Variants in DOP1B observed in about 807,000 individuals in gnomAD.
DOP1B encodes the protein protein DOP1B.
DOP1B carries 174 observed loss-of-function variants against 233.5 expected under a neutral mutation model. That is an observed-to-expected ratio of 0.75 (90% CI 0.66 to 0.85). The LOEUF (loss-of-function observed/expected upper bound fraction) is 0.85. Among genes scored for constraint, DOP1B ranks in the 40% least tolerant of loss-of-function variants. DOP1B has a pLI of 0.00. For missense variants in DOP1B, 2,652 were observed against 2,846.6 expected (o/e 0.93, Z 1.56); for synonymous variants, 1,190 against 1,185.6 (o/e 1.00, Z -0.08).
chr21:36,157,506 C>T lies in DOP1B; in HGVS notation c.-27+563C>T, dbSNP rs533163552. Among the ~76,000 whole-genome samples the T allele has an allele frequency of 7.9e-5, 12 of 152,362 alleles. No homozygotes were observed. The South Asian group carries it at 2.3e-3, about 29-fold the overall frequency. ...TGGCCCCTGCGCCCTGCAGGGTTCCCGGCTGCTCGCGGGGACTGTTACCCG... is the reference window on the plus strand; with the variant it reads ...TGGCCCCTGCGCCCTGCAGGGTTCCTGGCTGCTCGCGGGGACTGTTACCCG... On this transcript the variant is annotated intron_variant, in intron 1 of 36. Transcript: ENST00000691173.
At chr21:36,197,429 G>A (rs1275863336) in intron 2 of DOP1B, among the ~76,000 whole-genome samples, 5 of 152,174 alleles carry the variant, frequency 3.3e-5, no homozygotes, top group Non-Finnish European at 7.3e-5. Context: ...GAGGCTGAGG[G>A]CCCACGATTC....
chr21:36,193,189 G>A (rs62229345), intron 2 of DOP1B, among the ~76,000 whole-genome samples: 25,236 of 152,078 alleles, frequency 0.17, 2,317 homozygotes, highest in African/African-American at 0.24. Context: ...CCCCTATAAC[G>A]AAAGAGAGAT....
At chr21:36,244,815 T>C (rs993991159) in intron 18 of DOP1B, among the ~76,000 whole-genome samples, 3 of 152,228 alleles carry the variant, frequency 2.0e-5, no homozygotes, top group African/African-American at 7.2e-5. Flanking sequence ...TACTTAAGTT[T>C]ACTATAACAA....
rs1023736116 is a variant in DOP1B at position 36,187,206 on chromosome 21, C to T, written c.139-11864C>T. Among the ~76,000 whole-genome samples the T allele has an allele frequency of 8.7e-5, 13 of 148,872 alleles. No individual in the cohort carries two copies. The East Asian group carries it at 1.4e-3, about 16-fold the overall frequency. Reference sequence around the variant, plus strand: ...CTGTCCTGCCCCTCCCCTCCCCTCCCTTCCCCTCCTCTCCCCTCCCTTCCC... The same window carrying T: ...CTGTCCTGCCCCTCCCCTCCCCTCCTTTCCCCTCCTCTCCCCTCCCTTCCC... On this transcript the variant is annotated intron_variant, in intron 2 of 36. Coordinates refer to ENST00000691173, the MANE Select transcript of DOP1B (RefSeq NM_001320714.2).
intron 11 of DOP1B, among the ~76,000 whole-genome samples, chr21:36,224,994 C>T (rs932011448): frequency 4.0e-5 from 6 of 151,814 alleles, no homozygotes; most frequent in African/African-American, 7.3e-5. Context: ...TTACATCTGT[C>T]GATGGTACTC....
At chr21:36,238,950 A>C (rs2066859203) in intron 17 of DOP1B, among the ~76,000 whole-genome samples, 2 of 152,096 alleles carry the variant, frequency 1.3e-5, no homozygotes, top group Non-Finnish European at 2.9e-5. Context: ...CAAAAATACA[A>C]AAATTAGCTG....
chr21:36,165,019 A>C, intron 2 of DOP1B, 148 bp downstream of exon 2: 2 of 709,136 alleles, frequency 2.8e-6, no homozygotes, highest in Non-Finnish European at 1.9e-6. Flanking sequence ...ATATTATTTC[A>C]AGGAAATACC....
rs771410867 is a variant in DOP1B at position 36,219,344 on chromosome 21, T to C, written c.1130-28T>C. The C allele has an allele frequency of 8.1e-6, 13 of 1,614,086 alleles. No individual in the cohort carries two copies. The East Asian group carries it at 2.7e-4, about 33-fold the overall frequency. On this transcript the variant is annotated intron_variant, in intron 9 of 36. Coordinates refer to ENST00000691173, the MANE Select transcript of DOP1B (RefSeq NM_001320714.2). ...TGATTTAAAGGGGATTGTTAATCTGTCTCTGACCATCTTCCTTCTAATTAC... is the reference window on the plus strand; with the variant it reads ...TGATTTAAAGGGGATTGTTAATCTGCCTCTGACCATCTTCCTTCTAATTAC...
chr21:36,184,897 G>C (rs1427800810), intron 2 of DOP1B, among the ~76,000 whole-genome samples: 1 of 152,212 alleles, frequency 6.6e-6, no homozygotes, highest in Non-Finnish European at 1.5e-5. Flanking sequence ...AGAAGAAGGC[G>C]CTGGGGAGGA....
intron 21 of DOP1B, among the ~76,000 whole-genome samples, chr21:36,250,348 CAA>C (rs1255769439): frequency 6.6e-6 from 1 of 152,114 alleles, no homozygotes; most frequent in African/African-American, 2.4e-5. Context: ...TACCGGTGGA[CAA>C]GAGAGATGAA....
chr21:36,205,127 C>G, intron 4 of DOP1B, among the ~76,000 whole-genome samples: 1 of 152,208 alleles, frequency 6.6e-6, no homozygotes, highest in South Asian at 2.1e-4. Flanking sequence ...GCGGTGCTGT[C>G]TTGTGACAGC....
At chr21:36,187,156 C>G (rs73375748) in intron 2 of DOP1B, among the ~76,000 whole-genome samples, 2 of 150,926 alleles carry the variant, frequency 1.3e-5, no homozygotes, top group East Asian at 4.0e-4. Context: ...TGCTCTTCCC[C>G]CAAGGCCTGG....
intron 2 of DOP1B, among the ~76,000 whole-genome samples, chr21:36,197,020 C>T (rs916808303): frequency 6.6e-6 from 1 of 151,744 alleles, no homozygotes; most frequent in Admixed American, 6.6e-5. Context: ...GCAACCTCTG[C>T]CTCCTGGGTT....
Position 36,247,512 on chromosome 21 carries a change from C to T in DOP1B, c.4698-5C>T, listed in dbSNP as rs746759031. 5.1e-6 allele frequency: 8 copies of T among 1,583,432 alleles called. No homozygotes were observed. In the East Asian group the frequency reaches 1.4e-4, roughly 27 times the overall value. On this transcript the variant is annotated splice_region_variant and splice_polypyrimidine_tract_variant and intron_variant, in intron 19 of 36. Transcript: ENST00000691173. ...TCAAACCAGTTTCTCTTTTCTTCAC[C>T]ACAGCACAACCTCCAAGAGGGAAAA... is the stretch of plus-strand genomic sequence containing the variant.
chr21:36,285,754 C>T (rs925734935), intron 32 of DOP1B, among the ~76,000 whole-genome samples: 1 of 152,112 alleles, frequency 6.6e-6, no homozygotes, highest in Admixed American at 6.6e-5. Context: ...GGCCTGTAAT[C>T]CCAGCACCTT....
chr21:36,184,837 G>A (rs1056351743), intron 2 of DOP1B, among the ~76,000 whole-genome samples: 2 of 152,194 alleles, frequency 1.3e-5, no homozygotes, highest in Admixed American at 6.5e-5. Context: ...GCCACTCTGC[G>A]CCCAATCTGC....
Position 36,230,581 on chromosome 21 carries a change from G to T in DOP1B, c.1797G>T (p.Glu599Asp). The T allele has an allele frequency of 2.5e-6, 4 of 1,614,220 alleles. No individual in the cohort carries two copies. Among genetic ancestry groups the T allele is most frequent in the Non-Finnish European group, 2.5e-6 (3 of 1,180,046 alleles). The change falls in exon 14 of 37, where the codon GAG (glutamate) becomes GAT (aspartate). Residue 599 changes from glutamate (E) to aspartate (D), a missense_variant. Around this residue, in one of 3 missense-constraint regions of DOP1B, gnomAD observed 2,617 missense variants for 2,794.3 expected, o/e 0.94. Coordinates refer to ENST00000691173, the MANE Select transcript of DOP1B (RefSeq NM_001320714.2). ...SGIGLSASSPELSEHLRVPRV... is the reference protein window; with the variant it reads ...SGIGLSASSPDLSEHLRVPRV... ...TCGGGCTCAGTGCCTCGTCACCGGA[G>T]CTCTCTGAGCACTTGAGGGTTCCTC...
intron 2 of DOP1B, among the ~76,000 whole-genome samples, chr21:36,186,687 T>C (rs949060889): frequency 5.3e-5 from 8 of 152,134 alleles, no homozygotes; most frequent in Non-Finnish European, 8.8e-5. Context: ...GTGTGGGCTT[T>C]GCAGGGCGCT....
At chr21:36,166,364 G>GT (rs2065911467) in intron 2 of DOP1B, among the ~76,000 whole-genome samples, 2 of 151,904 alleles carry the variant, frequency 1.3e-5, no homozygotes, top group African/African-American at 4.8e-5. Context: ...GTGAACCAGG[G>GT]AGGCGGAGCT....
Sources: allele counts gnomAD v4.1 joint callset (sites outside exome capture counted in the v4.1 genomes callset), GRCh38; gene constraint gnomAD v4.1.1; regional missense constraint gnomAD v4.1.1; transcripts MANE v1.5; gene names NCBI Gene and HGNC (gene_info 2026-07-23, HGNC 2026-07-21).